VWA5B1: variants seen among roughly 807,000 people sequenced by gnomAD.
VWA5B1 encodes the protein von Willebrand factor A domain containing 5B1.
In VWA5B1, 115 loss-of-function variants were observed where a neutral mutation model predicts 118.2. The ratio of observed to expected loss-of-function variants is 0.97; its 90% CI spans 0.84 to 1.14. The LOEUF (loss-of-function observed/expected upper bound fraction) is 1.14, where lower values mean the gene tolerates loss of function less well. Among genes scored for constraint, VWA5B1 ranks in the 50% most tolerant of loss-of-function variants. The pLI, the probability that VWA5B1 is intolerant of heterozygous loss-of-function variation, is 0.00. For missense variants in VWA5B1, 1,596 were observed against 1,603.8 expected (o/e 1.00, Z 0.08); for synonymous variants, 682 against 658.4 (o/e 1.04, Z -0.55).
At chr1:20,337,050 T>C (rs191691296) in intron 13 of VWA5B1, among the ~76,000 whole-genome samples, 1 of 152,054 alleles carries the variant, frequency 6.6e-6, no homozygotes, top group Admixed American at 6.6e-5. Context: ...TGAGCAGCAA[T>C]GTGGAGAGTG....
At chr1:20,301,549 G>T (rs1294135128) in intron 1 of VWA5B1, among the ~76,000 whole-genome samples, 1 of 152,158 alleles carries the variant, frequency 6.6e-6, no homozygotes, top group Non-Finnish European at 1.5e-5. Flanking sequence ...ACAGCACAAG[G>T]ATTTACTCTT....
chr1:20,316,019 C>G (rs1212861638), intron 4 of VWA5B1, among the ~76,000 whole-genome samples: 1 of 151,622 alleles, frequency 6.6e-6, no homozygotes, highest in Non-Finnish European at 1.5e-5. Flanking sequence ...CTTATTCCTG[C>G]CCATTCCAGC....
At chr1:20,322,224 A>G (rs912147386) in intron 7 of VWA5B1, among the ~76,000 whole-genome samples, 3 of 152,188 alleles carry the variant, frequency 2.0e-5, no homozygotes, top group Admixed American at 6.5e-5. Flanking sequence ...GGTTTGAACA[A>G]CTGGGTGGGT....
In VWA5B1 at chr1:20,357,771, C is replaced by T. The variant is rs1222218801; in HGVS notation, c.*3508C>T. ...GTCCTGCCATCTGTGGGTGTGGCCT[C>T]GTATTAGCACTACCTAGGTACCCTT... On this transcript the variant is annotated 3_prime_UTR_variant, in exon 22 of 22. Coordinates refer to ENST00000289815, the MANE Select transcript of VWA5B1 (RefSeq NM_001039500.3). Among the ~76,000 whole-genome samples the T allele has an allele frequency of 2.0e-5, 3 of 152,202 alleles. No individual in the cohort carries two copies. The highest frequency in any genetic ancestry group is 2.1e-4 in the South Asian group (1 of 4,832).
Position 20,357,924 on chromosome 1 carries a change from A to G in VWA5B1, c.*3661A>G, listed in dbSNP as rs1378237228. Reference sequence around the variant, plus strand: ...GCTGGGGGCCTCCTTGTCCAGGTGGAGCAGGAATGTCCCTGCAACAGAGTG... The same window carrying G: ...GCTGGGGGCCTCCTTGTCCAGGTGGGGCAGGAATGTCCCTGCAACAGAGTG... On this transcript the variant is annotated 3_prime_UTR_variant, in exon 22 of 22. Coordinates refer to ENST00000289815, the MANE Select transcript of VWA5B1 (RefSeq NM_001039500.3). Among the ~76,000 whole-genome samples the G allele has an allele frequency of 6.6e-6, 1 of 152,112 alleles. No individual in the cohort carries two copies. The highest frequency in any genetic ancestry group is 1.5e-5 in the Non-Finnish European group (1 of 68,010).
rs776685155 is a variant in VWA5B1, at chr1:20,350,170, C to T, written c.2893C>T (p.Pro965Ser). The T allele has an allele frequency of 4.1e-5, 63 of 1,551,070 alleles. No homozygotes were observed. Among genetic ancestry groups the T allele is most frequent in the Non-Finnish European group, 5.1e-5 (59 of 1,146,978 alleles). The change falls in exon 19 of 22, where the codon CCC becomes TCC. Residue 965 changes from proline (P) to serine (S), a missense_variant. Pro to Ser is a moderately conservative substitution (Grantham distance 74, BLOSUM62 -1). Coordinates refer to ENST00000289815, the MANE Select transcript of VWA5B1 (RefSeq NM_001039500.3). ...SAPGNDMEASPTALFSEARSP... is the reference protein window; with the variant it reads ...SAPGNDMEASSTALFSEARSP... ...CTCTGTCCTAGACATGGAGGCAAGT[C>T]CCACTGCTCTCTTCAGCGAGGCCAG...
In VWA5B1 at chr1:20,354,859, C is replaced by T. The variant is rs1017808447; in HGVS notation, c.*596C>T. The T allele has an allele frequency of 3.9e-5, 6 of 152,708 alleles. No homozygotes were observed. Among genetic ancestry groups the T allele is most frequent in the South Asian group, 2.1e-4 (1 of 4,824 alleles). 9.5% of individuals were successfully genotyped at this position (152,708 alleles called of 1,614,324 possible). A position where few individuals can be genotyped will look rare whatever the true frequency, so the allele number is the denominator to read the frequency against. ...CCAATTGGAGAAGCATCCTTCTCAA[C>T]GCTTTACAAAAGAGTAGTTTGGGGG... On this transcript the variant is annotated 3_prime_UTR_variant, in exon 22 of 22. Transcript: ENST00000289815.
chr1:20,343,051 C>T, intron 15 of VWA5B1, 28 bp from the exon 16 acceptor site: 1 of 1,487,784 alleles, frequency 6.7e-7, no homozygotes, highest in Middle Eastern at 1.8e-4. Flanking sequence ...CAGGTCAGCG[C>T]TTGGCCCACT....
intron 17 of VWA5B1, among the ~76,000 whole-genome samples, chr1:20,347,006 T>C (rs1304024649): frequency 6.6e-6 from 1 of 152,178 alleles, no homozygotes; most frequent in Non-Finnish European, 1.5e-5. Context: ...CCCACCTGTC[T>C]ATGACCAGCC....
chr1:20,302,569 C>T (rs996006397), intron 1 of VWA5B1, among the ~76,000 whole-genome samples: 1 of 152,174 alleles, frequency 6.6e-6, no homozygotes, highest in African/African-American at 2.4e-5. Flanking sequence ...GGGCAGGGGC[C>T]CTGTACTTCT....
intron 4 of VWA5B1, among the ~76,000 whole-genome samples, chr1:20,315,075 T>C (rs1161355796): frequency 6.6e-6 from 1 of 152,204 alleles, no homozygotes; most frequent in Admixed American, 6.5e-5. Context: ...AGAAGTTCAT[T>C]GGGCTAAGAG....
chr1:20,318,849 G>T (rs1056204459), intron 6 of VWA5B1, 128 bp downstream of exon 6: 10 of 1,365,432 alleles, frequency 7.3e-6, no homozygotes, highest in African/African-American at 1.5e-5. Context: ...GGTGGGGGGT[G>T]TGGCCAAGGA....
Position 20,348,991 on chromosome 1 carries a change from G to A in VWA5B1, c.2878+633G>A, listed in dbSNP as rs367885417. On this transcript the variant is annotated intron_variant, in intron 18 of 21. Transcript: ENST00000289815. ...CTAACCCCTTTCTAGGTTCCCTCACGTGCACAGGGAGGATCTCCTGCCTTT... is the reference window on the plus strand; with the variant it reads ...CTAACCCCTTTCTAGGTTCCCTCACATGCACAGGGAGGATCTCCTGCCTTT... The A allele has an allele frequency of 2.1e-5, 5 of 237,316 alleles. No individual in the cohort carries two copies. In the East Asian group the frequency reaches 3.1e-4, roughly 15 times the overall value. The allele number at this position is 237,316 out of a possible 1,614,324, so 14.7% of individuals were successfully genotyped here. A position where few individuals can be genotyped will look rare whatever the true frequency, so the allele number is the denominator to read the frequency against.
intron 9 of VWA5B1, among the ~76,000 whole-genome samples, chr1:20,328,455 T>G (rs540318205): frequency 6.6e-6 from 1 of 152,046 alleles, no homozygotes; most frequent in South Asian, 2.1e-4. Flanking sequence ...CTCAAGATAC[T>G]GTGTGAAACA....
intron 21 of VWA5B1, 33 bp downstream of exon 21, chr1:20,352,205 T>G: frequency 6.7e-7 from 1 of 1,495,950 alleles, no homozygotes; most frequent in East Asian, 2.5e-5. Flanking sequence ...TCAGTCTCCC[T>G]CCGCTCCACT....
rs1168022777 is a variant in VWA5B1, at chr1:20,345,520, A to G, written c.2691A>G (p.Lys897=). 3.9e-6 allele frequency: 6 copies of G among 1,551,272 alleles called. No homozygotes were observed. In the South Asian group the frequency reaches 7.1e-5, roughly 18 times the overall value. The change falls in exon 17 of 22, where the codon AAA becomes AAG. Residue 897 remains lysine, a synonymous_variant. Coordinates refer to ENST00000289815, the MANE Select transcript of VWA5B1 (RefSeq NM_001039500.3). ...GCAAGGCCTGCAACATCATTAGCAA[A>G]TACACAGCCTTCGTGCCTGTGGACG... ...HTSKACNIIS[K]YTAFVPVDVS...
intron 6 of VWA5B1, 93 bp from the exon 7 acceptor site, chr1:20,319,289 C>A (rs878924672): frequency 1.3e-6 from 2 of 1,502,358 alleles, no homozygotes; most frequent in East Asian, 2.5e-5. Context: ...GGGAGTCCCA[C>A]CCCTGTGAGA....
intron 10 of VWA5B1, 105 bp downstream of exon 10, chr1:20,330,487 C>T: frequency 7.6e-7 from 1 of 1,308,100 alleles, no homozygotes; most frequent in Non-Finnish European, 1.1e-6. Context: ...AGGATAGGAC[C>T]CACAATTCCC....
chr1:20,342,573 G>C lies in VWA5B1; in HGVS notation c.2275G>C (p.Glu759Gln), dbSNP rs748646472. 19 of 1,518,072 alleles carry C rather than the reference G, an allele frequency of 1.3e-5. No individual in the cohort carries two copies. The highest frequency in any genetic ancestry group is 1.6e-5 in the Non-Finnish European group (18 of 1,133,484). The allele number at this position is 1,518,072 out of a possible 1,614,324, so 94.0% of individuals were successfully genotyped here. The part of the protein sequence containing the change: ...QETQAWSPVR[E>Q]RTSDSRSPGD... The stretch of plus-strand genomic sequence containing the variant: ...GACCCAGGCCTGGAGCCCTGTGAGA[G>C]AGCGGACTTCTGACAGCCGAAGCCC... Residue 759 changes from glutamate (E) to glutamine (Q), a missense_variant, in exon 15 of 22, where the codon GAG becomes CAG. Physicochemically the swap from Glu to Gln is conservative, Grantham distance 29. Coordinates refer to ENST00000289815, the MANE Select transcript of VWA5B1 (RefSeq NM_001039500.3).
Sources: allele counts gnomAD v4.1 joint callset (sites outside exome capture counted in the v4.1 genomes callset), GRCh38; gene constraint gnomAD v4.1.1; transcripts MANE v1.5; gene names NCBI Gene and HGNC (gene_info 2026-07-23, HGNC 2026-07-21).